Variants in ZBTB8A observed in about 807,000 individuals in gnomAD.
The protein encoded by ZBTB8A is zinc finger and BTB domain containing 8A.
ZBTB8A carries 19 observed loss-of-function variants against 37.8 expected under a neutral mutation model. That is an observed-to-expected ratio of 0.50 (90% CI 0.35 to 0.74). ZBTB8A has a LOEUF of 0.74. ZBTB8A is among the 30% of genes least tolerant of loss of function. ZBTB8A has a pLI of 0.01. For missense variants in ZBTB8A, 394 were observed against 537.8 expected (o/e 0.73, Z 2.65); for synonymous variants, 181 against 185.2 (o/e 0.98, Z 0.19).
intron 2 of ZBTB8A, among the ~76,000 whole-genome samples, chr1:32,577,552 C>T (rs1004818661): frequency 6.7e-6 from 1 of 149,886 alleles, no homozygotes; most frequent in African/African-American, 2.5e-5. Context: ...TTATTAAGCC[C>T]ATCTAATGCA....
intron 2 of ZBTB8A, among the ~76,000 whole-genome samples, chr1:32,578,231 ATTTT>A (rs561875455): frequency 7.4e-6 from 1 of 135,092 alleles, no homozygotes. Flanking sequence ...CTCCTGGCTA[ATTTT>A]TTTTTTTTTT....
chr1:32,570,363 CTCT>C (rs759126487), intron 2 of ZBTB8A, among the ~76,000 whole-genome samples: 136 of 152,056 alleles, frequency 8.9e-4, no homozygotes, highest in Non-Finnish European at 2.9e-4. Flanking sequence ...TTCCCTTTTC[CTCT>C]TCTTTTTCAA....
Position 32,584,508 on chromosome 1 carries a change from C to CTT in ZBTB8A, c.-1-8403_-1-8402dup, listed in dbSNP as rs1177778440. Reference sequence around the variant, plus strand: ...TCATTCTTTTTTTCTTTCTTTCTTTCTTTTTTTTTTTTTTTTTTTTTGAGA... The same window carrying CTT: ...TCATTCTTTTTTTCTTTCTTTCTTTCTTTTTTTTTTTTTTTTTTTTTTTGAGA... On this transcript the variant is annotated intron_variant, in intron 2 of 4. Coordinates refer to ENST00000373510, the MANE Select transcript of ZBTB8A (RefSeq NM_001040441.3). Among the ~76,000 whole-genome samples, 509 of 117,844 alleles carry CTT rather than the reference C, an allele frequency of 4.3e-3. 6 individuals carry two copies. The East Asian group carries it at 0.059, about 14-fold the overall frequency. The allele number at this position is 117,844 out of a possible 152,430, so 77.3% of individuals were successfully genotyped here.
intron 2 of ZBTB8A, among the ~76,000 whole-genome samples, chr1:32,566,799 G>C (rs1241942039): frequency 6.6e-6 from 1 of 152,170 alleles, no homozygotes; most frequent in East Asian, 1.9e-4. Context: ...TCACTCCTGG[G>C]TGAGGAATGT....
chr1:32,552,712 A>G (rs1262793674), intron 1 of ZBTB8A, among the ~76,000 whole-genome samples: 2 of 151,924 alleles, frequency 1.3e-5, no homozygotes, highest in African/African-American at 2.4e-5. Flanking sequence ...TTGATTTGCC[A>G]TAATATATTT....
chr1:32,540,439 A>C (rs948552761), intron 1 of ZBTB8A, among the ~76,000 whole-genome samples: 2 of 152,102 alleles, frequency 1.3e-5, no homozygotes, highest in Non-Finnish European at 2.9e-5. Flanking sequence ...ACCTATATGA[A>C]TTATTTCACT....
chr1:32,586,015 CA>C (rs200260988), intron 2 of ZBTB8A, among the ~76,000 whole-genome samples: 2 of 144,016 alleles, frequency 1.4e-5, no homozygotes, highest in Admixed American at 7.1e-5. Context: ...AAAACAAAAA[CA>C]AAAAAAAAGA....
chr1:32,588,044 A>C (rs1004522389), intron 2 of ZBTB8A, among the ~76,000 whole-genome samples: 1 of 152,138 alleles, frequency 6.6e-6, no homozygotes, highest in Non-Finnish European at 1.5e-5. Flanking sequence ...TGGAAGCTCC[A>C]AGCGCTTCCC....
At chr1:32,577,166 G>A (rs1644366923) in intron 2 of ZBTB8A, among the ~76,000 whole-genome samples, 1 of 151,960 alleles carries the variant, frequency 6.6e-6, no homozygotes, top group Admixed American at 6.6e-5. Context: ...GAGCCACCAT[G>A]CCTGGCCTTT....
In ZBTB8A at chr1:32,600,308, G is replaced by A. The variant is rs1343275188; in HGVS notation, c.1215G>A (p.Glu405=). 6.2e-7 allele frequency: 1 copy of A among 1,614,158 alleles called. No homozygotes were observed. The highest frequency in any genetic ancestry group is 1.3e-5 in the African/African-American group (1 of 75,030). Residue 405 remains glutamate, a synonymous_variant, in exon 5 of 5, where the codon GAG becomes GAA. Coordinates refer to ENST00000373510, the MANE Select transcript of ZBTB8A (RefSeq NM_001040441.3). ...KDSRWHLSED[E]NRSYVEIVED... ...CCAGATGGCACTTGAGTGAAGATGAGAATAGATCCTATGTGGAGATTGTAG... is the reference window on the plus strand; with the variant it reads ...CCAGATGGCACTTGAGTGAAGATGAAAATAGATCCTATGTGGAGATTGTAG...
chr1:32,593,905 A>AAT (rs1644509672), intron 3 of ZBTB8A, 151 bp downstream of exon 3: 1 of 685,426 alleles, frequency 1.5e-6, no homozygotes, highest in Non-Finnish European at 2.4e-6. Context: ...AAATTTATTT[A>AAT]GTAAGGATAG....
At chr1:32,584,311 C>T (rs1240111830) in intron 2 of ZBTB8A, among the ~76,000 whole-genome samples, 2 of 152,030 alleles carry the variant, frequency 1.3e-5, no homozygotes, top group Non-Finnish European at 1.5e-5. Context: ...TTTTAAGTTA[C>T]CTAGTTTGTG....
rs1460661727 is a variant in ZBTB8A, at chr1:32,603,535, A to AT, written c.*3122dup. On this transcript the variant is annotated 3_prime_UTR_variant, in exon 5 of 5. Transcript: ENST00000373510. The stretch of plus-strand genomic sequence containing the variant: ...TGACACCTTTTGAAATTAAAACCTG[A>AT]TTTTTTAGTTGTTGGAGCCAGTAGG... 1 of 152,544 alleles carries AT rather than the reference A, an allele frequency of 6.6e-6. No homozygotes were observed. Among genetic ancestry groups the AT allele is most frequent in the Admixed American group, 6.5e-5 (1 of 15,274 alleles). 9.4% of individuals were successfully genotyped at this position (152,544 alleles called of 1,614,324 possible). A position where few individuals can be genotyped will look rare whatever the true frequency, so the allele number is the denominator to read the frequency against.
At chr1:32,567,154 G>A (rs1436242170) in intron 2 of ZBTB8A, among the ~76,000 whole-genome samples, 2 of 152,144 alleles carry the variant, frequency 1.3e-5, no homozygotes, top group East Asian at 3.8e-4. Flanking sequence ...TACAGTGATG[G>A]CAAAAGGCAC....
chr1:32,570,256 G>A (rs1489605080), intron 2 of ZBTB8A, among the ~76,000 whole-genome samples: 1 of 152,062 alleles, frequency 6.6e-6, no homozygotes. Context: ...TCTATTTCTG[G>A]ACTCTATTCC....
chr1:32,546,676 AT>A (rs2148212920), intron 1 of ZBTB8A, among the ~76,000 whole-genome samples: 1 of 152,240 alleles, frequency 6.6e-6, no homozygotes, highest in South Asian at 2.1e-4. Context: ...GTTCAGAACA[AT>A]GTAAAATTAA....
intron 2 of ZBTB8A, among the ~76,000 whole-genome samples, chr1:32,589,411 C>G (rs1181300182): frequency 1.3e-5 from 2 of 151,692 alleles, no homozygotes; most frequent in East Asian, 3.9e-4. Flanking sequence ...CCACCACACC[C>G]AGCTAATATT....
chr1:32,579,795 C>G (rs1644390123), intron 2 of ZBTB8A, among the ~76,000 whole-genome samples: 1 of 152,016 alleles, frequency 6.6e-6, no homozygotes, highest in Admixed American at 6.6e-5. Context: ...GTATTTTGTT[C>G]AGTTTTTCTA....
intron 2 of ZBTB8A, among the ~76,000 whole-genome samples, chr1:32,561,578 T>G (rs981562723): frequency 6.6e-6 from 1 of 152,146 alleles, no homozygotes; most frequent in Non-Finnish European, 1.5e-5. Flanking sequence ...TTTTTGTTTT[T>G]GTTTTTTTGA....
Sources: allele counts gnomAD v4.1 joint callset (sites outside exome capture counted in the v4.1 genomes callset), GRCh38; gene constraint gnomAD v4.1.1; transcripts MANE v1.5; gene names NCBI Gene and HGNC (gene_info 2026-07-23, HGNC 2026-07-21).